The following CORO2B variants were observed in gnomAD, a reference collection of about 807,000 sequenced individuals.
The protein encoded by CORO2B is coronin-2B.
Under a neutral mutation model 58.8 loss-of-function variants are expected in CORO2B, and 26 were observed. That is an observed-to-expected ratio of 0.44 (90% CI 0.32 to 0.61). The LOEUF (loss-of-function observed/expected upper bound fraction) is 0.61, where lower values mean the gene tolerates loss of function less well. Ranked by LOEUF, CORO2B falls within the 20% of genes least tolerant of loss-of-function variation. The pLI is 0.04. For synonymous variants in CORO2B, 242 were observed against 253.8 expected (o/e 0.95, Z 0.44); for missense variants, 460 against 645.1 (o/e 0.71, Z 3.11).
chr15:68,549,283 C>T, the CORO2B span, among the ~76,000 whole-genome samples: 2,030 of 152,294 alleles, frequency 0.013, 45 homozygotes, highest in African/African-American at 0.046. Context: ...GTGTGCAGCT[C>T]TTTGAGAATT....
At chr15:68,539,533 G>A in the CORO2B span, among the ~76,000 whole-genome samples, 5 of 151,814 alleles carry the variant, frequency 3.3e-5, no homozygotes, top group African/African-American at 1.2e-4. Flanking sequence ...AAATTAGCCG[G>A]TCGTGGCAGC....
the CORO2B span, among the ~76,000 whole-genome samples, chr15:68,524,288 G>C: frequency 4.6e-5 from 7 of 152,234 alleles, no homozygotes; most frequent in African/African-American, 1.7e-4. Context: ...TCTGACACAA[G>C]TTACTTTATT....
chr15:68,620,455 G>T (rs1900485752), intron 1 of CORO2B, among the ~76,000 whole-genome samples: 1 of 152,196 alleles, frequency 6.6e-6, no homozygotes. Flanking sequence ...TCAACCTCTT[G>T]TTTGACAAAT....
chr15:68,578,046 G>T (rs1490120168), upstream of CORO2B, among the ~76,000 whole-genome samples: 1 of 152,166 alleles, frequency 6.6e-6, no homozygotes, highest in African/African-American at 2.4e-5. The surrounding 1 kb of genome is among the most constrained non-coding windows in gnomAD (Gnocchi z 4.2). Flanking sequence ...TTCTGTATCT[G>T]CGGAAACCGG....
intron 2 of CORO2B, among the ~76,000 whole-genome samples, chr15:68,650,373 A>ATTGG (rs1901601600): frequency 4.8e-5 from 1 of 20,686 alleles, no homozygotes; most frequent in Non-Finnish European, 9.7e-5. Context: ...AAAAAAAAAA[A>ATTGG]AAAAAAAAAA....
the CORO2B span, among the ~76,000 whole-genome samples, chr15:68,536,582 C>CAA: frequency 6.6e-6 from 1 of 152,204 alleles, no homozygotes; most frequent in African/African-American, 2.4e-5. Context: ...TTAGCCTTTG[C>CAA]AAAGTGTGAT....
At chr15:68,587,112 G>A (rs1899586407) in intron 1 of CORO2B, among the ~76,000 whole-genome samples, 2 of 148,892 alleles carry the variant, frequency 1.3e-5, no homozygotes, top group South Asian at 4.3e-4. Flanking sequence ...TTTCTAAAGT[G>A]TTAAAAGTCC....
intron 1 of CORO2B, among the ~76,000 whole-genome samples, chr15:68,587,563 T>G: frequency 6.6e-6 from 1 of 152,310 alleles, no homozygotes; most frequent in East Asian, 1.9e-4. Flanking sequence ...AATTTAATAG[T>G]AGTCAGTTCT....
At chr15:68,713,253 C>T (rs1220866856) in intron 5 of CORO2B, among the ~76,000 whole-genome samples, 6 of 152,226 alleles carry the variant, frequency 3.9e-5, no homozygotes, top group East Asian at 1.9e-4. Context: ...TGATTTCTTC[C>T]GATAGATATT....
At chr15:68,702,123 A>G (rs1204959779) in intron 3 of CORO2B, among the ~76,000 whole-genome samples, 3 of 152,060 alleles carry the variant, frequency 2.0e-5, no homozygotes, top group Non-Finnish European at 4.4e-5. Context: ...GGAAGAAGGA[A>G]AAATCAGGTA....
intron 1 of CORO2B, among the ~76,000 whole-genome samples, chr15:68,594,439 A>T (rs1454883955): frequency 6.6e-6 from 1 of 152,232 alleles, no homozygotes; most frequent in African/African-American, 2.4e-5. Context: ...TCCCCAGCCC[A>T]GGTGAGCAGC....
intron 3 of CORO2B, among the ~76,000 whole-genome samples, chr15:68,702,688 T>C (rs1276313029): frequency 6.6e-6 from 1 of 152,122 alleles, no homozygotes; most frequent in African/African-American, 2.4e-5. Flanking sequence ...TCACAGTTAC[T>C]GTGCTCTTGG....
At chr15:68,630,142 T>C (rs886960949) in intron 1 of CORO2B, among the ~76,000 whole-genome samples, 4 of 152,208 alleles carry the variant, frequency 2.6e-5, no homozygotes, top group Non-Finnish European at 4.4e-5. Flanking sequence ...TCGTGGCTTC[T>C]GTAGCAATGA....
chr15:68,650,623 T>C (rs1901612509), intron 2 of CORO2B, among the ~76,000 whole-genome samples: 1 of 152,114 alleles, frequency 6.6e-6, no homozygotes, highest in African/African-American at 2.4e-5. Flanking sequence ...AAACAAAAAC[T>C]ATCTGTTTAC....
rs527961396 is a variant in CORO2B at position 68,715,156 on chromosome 15, G to A, written c.871-59G>A. On this transcript the variant is annotated intron_variant, in intron 7 of 11. Transcript: ENST00000261861. Reference sequence around the variant, plus strand: ...TGTCTTCAGCTGGCTCCTGGGACCAGGCCCTGCTCTGCCCTCCCTACCTGC... The same window carrying A: ...TGTCTTCAGCTGGCTCCTGGGACCAAGCCCTGCTCTGCCCTCCCTACCTGC... 23 of 1,467,220 alleles carry A rather than the reference G, an allele frequency of 1.6e-5. No individual in the cohort carries two copies. The Admixed American group carries it at 3.7e-4, about 23-fold the overall frequency. The allele number at this position is 1,467,220 out of a possible 1,614,324, so 90.9% of individuals were successfully genotyped here. A position where few individuals can be genotyped will look rare whatever the true frequency, so the allele number is the denominator to read the frequency against.
intron 3 of CORO2B, among the ~76,000 whole-genome samples, chr15:68,698,075 C>T (rs1892556595): frequency 6.6e-6 from 1 of 152,146 alleles, no homozygotes. Flanking sequence ...CTTTCACATA[C>T]ATTTAGCTCT....
chr15:68,714,559 G>A lies in CORO2B; in HGVS notation c.766G>A (p.Glu256Lys). ...NTRQIALWDQEDLSMPLIEEE... is the reference protein window; with the variant it reads ...NTRQIALWDQKDLSMPLIEEE... ...GCTGAGACCAGCTCTTCTCCCTCAG[G>A]AGGACCTCTCCATGCCCCTGATCGA... Residue 256 changes from glutamate to lysine, a missense_variant and splice_region_variant, in exon 7 of 12, where the codon GAG becomes AAG. Transcript: ENST00000261861. The A allele has an allele frequency of 1.2e-6, 2 of 1,613,184 alleles. No individual in the cohort carries two copies. The highest frequency in any genetic ancestry group is 1.3e-5 in the African/African-American group (1 of 75,004).
chr15:68,558,726 G>A, the CORO2B span, among the ~76,000 whole-genome samples: 1 of 152,276 alleles, frequency 6.6e-6, no homozygotes, highest in African/African-American at 2.4e-5. Flanking sequence ...ATAGGGGAGT[G>A]TGGACACGGG....
intron 1 of CORO2B, among the ~76,000 whole-genome samples, chr15:68,584,586 G>A (rs1285480915): frequency 6.6e-6 from 1 of 152,196 alleles, no homozygotes; most frequent in Non-Finnish European, 1.5e-5. Flanking sequence ...CAGGGCCAGG[G>A]CTGGTGGAGT....
Sources: allele counts gnomAD v4.1 joint callset (sites outside exome capture counted in the v4.1 genomes callset), GRCh38; gene constraint gnomAD v4.1.1; non-coding constraint Gnocchi (gnomAD v3.1); transcripts MANE v1.5; gene names NCBI Gene and HGNC (gene_info 2026-07-23, HGNC 2026-07-21).